TECTA: variants seen among roughly 807,000 people sequenced by gnomAD.
TECTA encodes the protein alpha-tectorin.
In TECTA, 128 loss-of-function variants were observed where a neutral mutation model predicts 216.8. That is an observed-to-expected ratio of 0.59 (90% confidence interval 0.51 to 0.68). The LOEUF is 0.68. Ranked by LOEUF, TECTA falls within the 30% of genes least tolerant of loss-of-function variation. The probability of loss-of-function intolerance (pLI) is 0.00; values close to 1 mark genes in which losing one functional copy is unlikely to be tolerated. For synonymous variants in TECTA, 1,089 were observed against 1,117.1 expected (o/e 0.97, Z 0.50); for missense variants, 2,551 against 2,786.2 (o/e 0.92, Z 1.90).
chr11:121,189,018 G>T (rs924028272), intron 21 of TECTA, 62 bp from the exon 22 acceptor site: 1 of 1,554,820 alleles, frequency 6.4e-7, no homozygotes, highest in Non-Finnish European at 8.9e-7. Flanking sequence ...GGTGAAACAT[G>T]GTGAAGAATA....
At chr11:121,157,347 G>A (rs562330619) in intron 13 of TECTA, among the ~76,000 whole-genome samples, 14 of 152,148 alleles carry the variant, frequency 9.2e-5, no homozygotes, top group South Asian at 2.1e-4. Flanking sequence ...GCTCATACCC[G>A]TAATCCAAGC....
intron 4 of TECTA, chr11:121,110,515 C>T (rs573441400): frequency 2.6e-5 from 4 of 152,336 alleles, no homozygotes; most frequent in South Asian, 2.1e-4. Flanking sequence ...AGCACTTTAT[C>T]GCTAAGAGGT....
At chr11:121,118,998 C>CAA (rs1946529497) in intron 7 of TECTA, among the ~76,000 whole-genome samples, 1 of 46,794 alleles carries the variant, frequency 2.1e-5, no homozygotes, top group African/African-American at 7.7e-5. Flanking sequence ...GATAGGCACA[C>CAA]ACACACACAC....
At position 121,162,363 on chromosome 11, in the gene TECTA, G is replaced by A. The variant is rs1335243656; in HGVS notation, c.5265G>A (p.Glu1755=). The A allele has an allele frequency of 1.9e-6, 3 of 1,612,836 alleles. No individual in the cohort carries two copies. The highest frequency in any genetic ancestry group is 2.5e-6 in the Non-Finnish European group (3 of 1,180,048). ...GILSTEWIEK[E]NCSGVVEDPC... ...TTAGCACCGAGTGGATTGAGAAGGA[G>A]AATTGCTGTAAGAGAATTATTTTAT... The change falls in exon 16 of 24, where the codon GAG becomes GAA. Residue 1755 remains glutamate, a synonymous_variant. Transcript: ENST00000392793.
chr11:121,151,591 A>G (rs1386441492), intron 12 of TECTA, among the ~76,000 whole-genome samples: 1 of 152,244 alleles, frequency 6.6e-6, no homozygotes, highest in East Asian at 1.9e-4. Context: ...TTCTGGAAAA[A>G]TTGACTATAG....
chr11:121,117,840 A>C (rs538956123), intron 6 of TECTA, among the ~76,000 whole-genome samples: 2 of 152,244 alleles, frequency 1.3e-5, no homozygotes, highest in Admixed American at 6.5e-5. Context: ...TTTCCTGCAC[A>C]TACTGGGCCC....
At chr11:121,109,159 G>A in intron 3 of TECTA, 52 bp from the exon 4 acceptor site, 1 of 1,603,118 alleles carries the variant, frequency 6.2e-7, no homozygotes, top group African/African-American at 1.3e-5. Flanking sequence ...TTGTGACTCT[G>A]AAGTTGTTAT....
At chr11:121,174,005 G>A (rs1344738722) in intron 20 of TECTA, among the ~76,000 whole-genome samples, 1 of 152,062 alleles carries the variant, frequency 6.6e-6, no homozygotes, top group East Asian at 1.9e-4. Context: ...TGTTATTGGT[G>A]TATAAGAATG....
At chr11:121,111,674 G>T (rs1407260631) in intron 4 of TECTA, among the ~76,000 whole-genome samples, 1 of 152,184 alleles carries the variant, frequency 6.6e-6, no homozygotes, top group Middle Eastern at 3.2e-3. Flanking sequence ...ATCTTGGTCT[G>T]AAGGAGGCTC....
Position 121,109,515 on chromosome 11 carries a change from T to A in TECTA, c.486+17T>A. On this transcript the variant is annotated intron_variant, in intron 4 of 23. Transcript: ENST00000392793. ...ACCACACCTGTAATAATTCAAATTT[T>A]CTGCTTTCCACTTCATAACCTGACA... 6.2e-7 allele frequency: 1 copy of A among 1,614,108 alleles called. No homozygotes were observed.
chr11:121,137,450 G>C lies in TECTA; in HGVS notation c.2971G>C (p.Glu991Gln), dbSNP rs1277409129. ...GGAGTGCCCAGAGAACAGCCACTTT[G>C]AGGAGTGCATCACATGTACAGAGAC... ...PLECPENSHF[E>Q]ECITCTETCE... The change falls in exon 11 of 24, where the codon GAG becomes CAG. Residue 991 changes from glutamate to glutamine, a missense_variant. Physicochemically the swap from Glu to Gln is conservative, Grantham distance 29. Coordinates refer to ENST00000392793, the MANE Select transcript of TECTA (RefSeq NM_005422.4). The C allele has an allele frequency of 3.7e-6, 6 of 1,613,836 alleles. No individual in the cohort carries two copies. In the African/African-American group the frequency reaches 6.7e-5, roughly 18 times the overall value.
intron 6 of TECTA, among the ~76,000 whole-genome samples, chr11:121,115,540 GA>G (rs1565518872): frequency 6.6e-6 from 1 of 152,206 alleles, no homozygotes; most frequent in Non-Finnish European, 1.5e-5. Flanking sequence ...TTTTGGATAG[GA>G]ATGAGGAGGT....
chr11:121,168,997 A>G, intron 20 of TECTA, 72 bp downstream of exon 20: 1 of 1,611,204 alleles, frequency 6.2e-7, no homozygotes, highest in Non-Finnish European at 8.5e-7. Flanking sequence ...TTTTTAAGGA[A>G]GGGAATGGAA....
At chr11:121,157,574 G>T (rs1417775096) in intron 13 of TECTA, among the ~76,000 whole-genome samples, 1 of 152,170 alleles carries the variant, frequency 6.6e-6, no homozygotes, top group African/African-American at 2.4e-5. Context: ...TCCAGCCTCG[G>T]CAACAGAATG....
rs956168691 is a variant in TECTA, at chr11:121,118,506, C to T, written c.991C>T (p.His331Tyr). Residue 331 changes from histidine to tyrosine, a missense_variant, in exon 7 of 24, where the codon CAC (histidine) becomes TAC (tyrosine). This residue lies in a region of TECTA where 2,375 missense variants were observed against 2,563.9 expected (regional missense o/e 0.93). Coordinates refer to ENST00000392793, the MANE Select transcript of TECTA (RefSeq NM_005422.4). ...TCVVFGEPHY[H>Y]TFDGFLFHFQ... ...CGTGGTGTTTGGGGAGCCACACTAC[C>T]ACACTTTTGACGGCTTCCTCTTCCA... 6.2e-7 allele frequency: 1 copy of T among 1,614,086 alleles called. No individual in the cohort carries two copies. The highest frequency in any genetic ancestry group is 1.3e-5 in the African/African-American group (1 of 74,934).
In TECTA at chr11:121,118,354, CCGT is replaced by C. The variant is rs768687553; in HGVS notation, c.841_843del (p.Val281del). On this transcript the variant is annotated inframe_deletion, in exon 7 of 24. Transcript: ENST00000392793. ...GTGTTTTGGGATGACTTGAACTGCACCGTCAAGTGCCGCTGTCTGGATTTCAAC... is the reference window on the plus strand; with the variant it reads ...GTGTTTTGGGATGACTTGAACTGCACCAAGTGCCGCTGTCTGGATTTCAAC... 1 of 1,614,164 alleles carries C rather than the reference CCGT, an allele frequency of 6.2e-7. No homozygotes were observed. The highest frequency in any genetic ancestry group is 1.1e-5 in the South Asian group (1 of 91,078).
chr11:121,171,055 T>G (rs1048350049), intron 20 of TECTA, among the ~76,000 whole-genome samples: 1 of 152,192 alleles, frequency 6.6e-6, no homozygotes, highest in Non-Finnish European at 1.5e-5. Flanking sequence ...AGCTTTATAG[T>G]TTCTGGTTGC....
chr11:121,106,354 C>G (rs1946390294), intron 3 of TECTA, among the ~76,000 whole-genome samples: 1 of 152,142 alleles, frequency 6.6e-6, no homozygotes, highest in African/African-American at 2.4e-5. Flanking sequence ...ATCTGCTGTT[C>G]TTGGGCTTCC....
At chr11:121,120,510 G>A (rs957330056) in intron 7 of TECTA, among the ~76,000 whole-genome samples, 2 of 152,150 alleles carry the variant, frequency 1.3e-5, no homozygotes, top group African/African-American at 4.8e-5. Context: ...TGAGATGCTG[G>A]GAGGCAGCTG....
Sources: allele counts gnomAD v4.1 joint callset (sites outside exome capture counted in the v4.1 genomes callset), GRCh38; gene constraint gnomAD v4.1.1; regional missense constraint gnomAD v4.1.1; transcripts MANE v1.5; gene names NCBI Gene and HGNC (gene_info 2026-07-23, HGNC 2026-07-21).